NBPF11: variants seen among roughly 807,000 people sequenced by gnomAD.
NBPF11 encodes the protein NBPF member 11.
In NBPF11, 72 loss-of-function variants were observed where a neutral mutation model predicts 93.9. The observed-to-expected ratio is 0.77, with a 90% CI of 0.63 to 0.93. NBPF11 has a LOEUF of 0.93. Ranked by LOEUF, NBPF11 falls within the 40% of genes least tolerant of loss-of-function variation. NBPF11 has a pLI of 0.00. For synonymous variants in NBPF11, 224 were observed against 304.9 expected, an observed-to-expected ratio of 0.73 and a Z score of 2.76; for missense variants, 705 against 802.2, an observed-to-expected ratio of 0.88 and a Z score of 1.46.
chr1:148,114,524 C>T (rs1452859852), intron 14 of NBPF11, 36 bp from the exon 15 acceptor site: 22 of 575,556 alleles, frequency 3.8e-5, no homozygotes, highest in Non-Finnish European at 5.8e-5. Flanking sequence ...TCACATTAAG[C>T]AATTCATACT....
rs2064455 is a variant in NBPF11 at position 148,126,839 on chromosome 1, C to G, written c.165G>C (p.Gln55His). The change falls in exon 5 of 24, where the codon CAG becomes CAC. Residue 55 changes from glutamine (Q) to histidine (H), a missense_variant. Gln to His is a conservative substitution (Grantham distance 24). Transcript: ENST00000682118. ...TQLAGFLANR[Q>H]KKYKYEECKD... Reference sequence around the variant, plus strand: ...GCCTATAGATCTTACTGTATTTCTTCTGTCGGTTGGCCAGGAAGCCGGCCA... The same window carrying G: ...GCCTATAGATCTTACTGTATTTCTTGTGTCGGTTGGCCAGGAAGCCGGCCA... 0.063 allele frequency: 99,713 copies of G among 1,570,682 alleles called. 3,846 individuals carry two copies. The highest frequency in any genetic ancestry group is 0.077 in the Non-Finnish European group (87,826 of 1,147,094).
Position 148,135,726 on chromosome 1 carries a change from C to T in NBPF11, c.-90G>A. The T allele has an allele frequency of 1.4e-6, 1 of 705,868 alleles. No individual in the cohort carries two copies. The highest frequency in any genetic ancestry group is 1.6e-5 in the South Asian group (1 of 64,322). The allele number at this position is 705,868 out of a possible 1,614,324, so 43.7% of individuals were successfully genotyped here. ...ACTGGCAGCTGCTTCTTGGCATTAA[C>T]TTTGGATTCCCAACCAGTAAATCTT... On this transcript the variant is annotated 5_prime_UTR_variant, in exon 4 of 24. Coordinates refer to ENST00000682118, the MANE Select transcript of NBPF11 (RefSeq NM_001385469.3).
rs1165465836 is a variant in NBPF11, at chr1:148,108,732, A to T, written c.1854-78T>A. 1.3e-4 allele frequency: 102 copies of T among 800,236 alleles called. 1 individual carries two copies. The East Asian group carries it at 2.4e-3, about 19-fold the overall frequency. 49.6% of individuals were successfully genotyped at this position (800,236 alleles called of 1,614,324 possible). A position where few individuals can be genotyped will look rare whatever the true frequency, so the allele number is the denominator to read the frequency against. ...CAGCCCCAGCTAGATTTCATGGCTAACATGAGGAAGAGTTTGAAAAGAAAA... is the reference window on the plus strand; with the variant it reads ...CAGCCCCAGCTAGATTTCATGGCTATCATGAGGAAGAGTTTGAAAAGAAAA... On this transcript the variant is annotated intron_variant, in intron 17 of 23. Transcript: ENST00000682118.
chr1:148,106,180 C>T lies in NBPF11; in HGVS notation c.2303+1G>A, dbSNP rs1164619482. 8 of 901,742 alleles carry T rather than the reference C, an allele frequency of 8.9e-6. No homozygotes were observed. Among genetic ancestry groups the T allele is most frequent in the Admixed American group, 6.8e-5 (4 of 59,004 alleles). The allele number at this position is 901,742 out of a possible 1,614,324, so 55.9% of individuals were successfully genotyped here. A position where few individuals can be genotyped will look rare whatever the true frequency, so the allele number is the denominator to read the frequency against. ...GTAGCTGTTCACAATTGCTCAGTTACCTGGGGCACGGTGGGCCTTGGTCTT... is the reference window on the plus strand; with the variant it reads ...GTAGCTGTTCACAATTGCTCAGTTATCTGGGGCACGGTGGGCCTTGGTCTT... On this transcript the variant is annotated splice_donor_variant, in intron 21 of 23. Coordinates refer to ENST00000682118, the MANE Select transcript of NBPF11 (RefSeq NM_001385469.3). LOFTEE classifies it high-confidence loss of function.
chr1:148,136,128 A>G (rs1447414808), intron 3 of NBPF11, among the ~76,000 whole-genome samples: 1 of 152,000 alleles, frequency 6.6e-6, no homozygotes, highest in Non-Finnish European at 1.5e-5. Context: ...AATGGTTGGA[A>G]TGTACAATAG....
chr1:148,111,943 A>G (rs1291722163), intron 15 of NBPF11, among the ~76,000 whole-genome samples: 2 of 150,798 alleles, frequency 1.3e-5, no homozygotes, highest in Non-Finnish European at 1.5e-5. Flanking sequence ...CCCAGGACAC[A>G]TAATTGTCAG....
At chr1:148,112,426 A>ATC (rs1665523036) in intron 15 of NBPF11, among the ~76,000 whole-genome samples, 1 of 137,448 alleles carries the variant, frequency 7.3e-6, no homozygotes, top group African/African-American at 2.8e-5. Flanking sequence ...TCCTTGCAAT[A>ATC]GTTTGCTGAG....
intron 5 of NBPF11, among the ~76,000 whole-genome samples, chr1:148,125,894 G>T (rs1170477770): frequency 3.3e-5 from 5 of 152,020 alleles, no homozygotes; most frequent in Admixed American, 6.5e-5. Flanking sequence ...ACGTTCTCGG[G>T]TGTGATCTTT....
intron 6 of NBPF11, among the ~76,000 whole-genome samples, chr1:148,124,633 A>G (rs1439137334): frequency 1.3e-5 from 2 of 151,606 alleles, no homozygotes; most frequent in African/African-American, 4.9e-5. Flanking sequence ...GGTGGTTCCC[A>G]CTCCTTTGGT....
Position 148,105,507 on chromosome 1 carries a change from C to G in NBPF11, c.2325G>C (p.Glu775Asp). ...CCTGCAAGACTTCAGGCTCTACTAC[C>G]TCCAGCAGCTCCCTGCTGAGCCTGG... ...PCPRLSRELL[E>D]VVEPEVLQDS... The change falls in exon 22 of 24, where the codon GAG (glutamate) becomes GAC (aspartate). Residue 775 changes from glutamate to aspartate, a missense_variant. Physicochemically the swap from Glu to Asp is conservative, Grantham distance 45 (BLOSUM62 2). Around this residue, in one of 12 missense-constraint regions of NBPF11, gnomAD observed 109 missense variants for 83.3 expected, o/e 1.31. Coordinates refer to ENST00000682118, the MANE Select transcript of NBPF11 (RefSeq NM_001385469.3). The G allele has an allele frequency of 1.0e-6, 1 of 969,558 alleles. No homozygotes were observed. The highest frequency in any genetic ancestry group is 1.3e-5 in the South Asian group (1 of 75,080). 60.1% of individuals were successfully genotyped at this position (969,558 alleles called of 1,614,324 possible).
At chr1:148,146,490 G>A (rs1466010686) in intron 1 of NBPF11, 152 of 1,604,356 alleles carry the variant, frequency 9.5e-5, no homozygotes, top group Non-Finnish European at 9.6e-5. Flanking sequence ...TGCCGCCGGA[G>A]GCCACCTACT....
At chr1:148,142,604 A>C (rs1402094736) in intron 2 of NBPF11, among the ~76,000 whole-genome samples, 1 of 151,990 alleles carries the variant, frequency 6.6e-6, no homozygotes, top group Non-Finnish European at 1.5e-5. Context: ...CCTGGTGGGC[A>C]GCCACGTGAG....
At chr1:148,111,669 AT>A (rs1665307743) in intron 15 of NBPF11, among the ~76,000 whole-genome samples, 1 of 151,708 alleles carries the variant, frequency 6.6e-6, no homozygotes. Flanking sequence ...TCAAGATCAA[AT>A]TAGTGAAATG....
At chr1:148,122,386 G>T in intron 8 of NBPF11, 120 bp from the exon 9 acceptor site, 1 of 1,526,768 alleles carries the variant, frequency 6.5e-7, no homozygotes, top group South Asian at 1.1e-5. Flanking sequence ...AACAAATGGA[G>T]GTTCCCTTTA....
At chr1:148,140,272 T>C (rs1671965869) in intron 2 of NBPF11, among the ~76,000 whole-genome samples, 1 of 151,890 alleles carries the variant, frequency 6.6e-6, no homozygotes, top group Non-Finnish European at 1.5e-5. Context: ...ATATCCTTTA[T>C]AAAATAAATC....
intron 10 of NBPF11, 125 bp downstream of exon 10, chr1:148,120,376 C>T (rs1278550560): frequency 1.4e-6 from 1 of 703,372 alleles, no homozygotes; most frequent in African/African-American, 1.8e-5. Flanking sequence ...TTAAAATACC[C>T]ATTTCTGTTT....
chr1:148,103,846 A>G lies in NBPF11; in HGVS notation c.*50T>C. 1 of 1,611,464 alleles carries G rather than the reference A, an allele frequency of 6.2e-7. No individual in the cohort carries two copies. The highest frequency in any genetic ancestry group is 1.7e-5 in the Admixed American group (1 of 60,008). On this transcript the variant is annotated 3_prime_UTR_variant, in exon 24 of 24. Coordinates refer to ENST00000682118, the MANE Select transcript of NBPF11 (RefSeq NM_001385469.3). The stretch of plus-strand genomic sequence containing the variant: ...GTTCAAAGTACATTGATGGAGTCGA[A>G]TAATATCTATCCAGTGAGTCCTGTA...
intron 1 of NBPF11, 121 bp downstream of exon 1, chr1:148,151,629 G>C (rs1257550994): frequency 6.6e-6 from 1 of 152,246 alleles, no homozygotes. Context: ...GGCAGTGCCC[G>C]GCGCAACCGC....
At chr1:148,148,689 T>C (rs1647374882) in intron 1 of NBPF11, among the ~76,000 whole-genome samples, 2 of 151,932 alleles carry the variant, frequency 1.3e-5, no homozygotes, top group South Asian at 4.2e-4. Context: ...GAATTCCTCA[T>C]GGCCAAGGGG....
Sources: gnomAD v4.1 joint callset for allele counts (sites outside exome capture counted in the v4.1 genomes callset) on GRCh38, gnomAD v4.1.1 for gene constraint, gnomAD v4.1.1 regional missense constraint, MANE v1.5 for transcripts, NCBI Gene and HGNC (gene_info 2026-07-23, HGNC 2026-07-21) for gene names.